Variants in TTLL5 observed in about 807,000 individuals in gnomAD.
The protein encoded by TTLL5 is tubulin polyglutamylase TTLL5.
TTLL5 carries 132 observed loss-of-function variants against 168.4 expected under a neutral mutation model. The ratio of observed to expected loss-of-function variants is 0.78; its 90% confidence interval spans 0.68 to 0.91. The LOEUF (loss-of-function observed/expected upper bound fraction) is 0.91, where lower values mean the gene tolerates loss of function less well. TTLL5 is among the 40% of genes least tolerant of loss of function. The pLI, the probability that TTLL5 is intolerant of heterozygous loss-of-function variation, is 0.00. For missense variants in TTLL5, 1,545 were observed against 1,581.5 expected (o/e 0.98, Z 0.39); for synonymous variants, 546 against 558.6 (o/e 0.98, Z 0.32).
intron 4 of TTLL5, among the ~76,000 whole-genome samples, chr14:75,682,009 G>A (rs537098950): frequency 6.6e-6 from 1 of 151,858 alleles, no homozygotes; most frequent in Non-Finnish European, 1.5e-5. Context: ...GGCCAACATG[G>A]TGAAACCCCG....
chr14:75,840,420 G>T (rs530097892), intron 28 of TTLL5, among the ~76,000 whole-genome samples: 1 of 141,176 alleles, frequency 7.1e-6, no homozygotes, highest in South Asian at 2.5e-4. Flanking sequence ...GACAGGCCCC[G>T]GTGTGTGATG....
intron 28 of TTLL5, among the ~76,000 whole-genome samples, chr14:75,860,223 A>T (rs574379267): frequency 1.4e-4 from 22 of 152,218 alleles, no homozygotes; most frequent in Non-Finnish European, 2.5e-4. Context: ...CCCTTTATAT[A>T]TCCACAGACC....
intron 9 of TTLL5, among the ~76,000 whole-genome samples, chr14:75,715,931 C>G (rs1887421891): frequency 6.6e-6 from 1 of 151,974 alleles, no homozygotes; most frequent in South Asian, 2.1e-4. Flanking sequence ...CAAGTTAGAT[C>G]AAGTACTTGT....
chr14:75,830,360 CTAT>C (rs2139805290), intron 28 of TTLL5, among the ~76,000 whole-genome samples: 1 of 152,198 alleles, frequency 6.6e-6, no homozygotes, highest in African/African-American at 2.4e-5. Context: ...AAAAGTAAGC[CTAT>C]TATTGTACAA....
chr14:75,782,592 A>C lies in TTLL5; in HGVS notation c.2602+19A>C, dbSNP rs1381455754. 1.9e-6 allele frequency: 3 copies of C among 1,599,962 alleles called. No individual in the cohort carries two copies. The highest frequency in any genetic ancestry group is 8.5e-7 in the Non-Finnish European group (1 of 1,169,624). On this transcript the variant is annotated intron_variant, in intron 25 of 31. Coordinates refer to ENST00000298832, the MANE Select transcript of TTLL5 (RefSeq NM_015072.5). Reference sequence around the variant, plus strand: ...TTATCTCGTGAGTGATTTCAAACCTACCTAGATTTGCTGCTCTCTGATAAT... The same window carrying C: ...TTATCTCGTGAGTGATTTCAAACCTCCCTAGATTTGCTGCTCTCTGATAAT...
chr14:75,930,556 G>T, intron 31 of TTLL5: 1 of 955,460 alleles, frequency 1.0e-6, no homozygotes, highest in Non-Finnish European at 1.2e-6. Flanking sequence ...AGGATAATCA[G>T]CCTGTATATA....
At chr14:75,679,606 A>G (rs974232261) in intron 3 of TTLL5, among the ~76,000 whole-genome samples, 3 of 152,226 alleles carry the variant, frequency 2.0e-5, no homozygotes, top group Admixed American at 2.0e-4. Context: ...ATTATAATCT[A>G]TCTCTATCAC....
In TTLL5 at chr14:75,743,575, CTTTTTTT is replaced by C. The variant is rs33959405; in HGVS notation, c.1282-1502_1282-1496del. Among the ~76,000 whole-genome samples the C allele has an allele frequency of 1.1e-4, 7 of 63,114 alleles. No homozygotes were observed. The East Asian group carries it at 2.3e-3, about 21-fold the overall frequency. 41.4% of individuals were successfully genotyped at this position (63,114 alleles called of 152,430 possible). A position where few individuals can be genotyped will look rare whatever the true frequency, so the allele number is the denominator to read the frequency against. ...TGAGATCAAACTCTCTGGCATCGCT[CTTTTTTT>C]TTTTTTTTTTTTTTTTTGAGACGGA... On this transcript the variant is annotated intron_variant, in intron 15 of 31. Transcript: ENST00000298832.
chr14:75,787,546 ACTAT>A (rs1360137100), intron 26 of TTLL5, among the ~76,000 whole-genome samples: 1 of 152,220 alleles, frequency 6.6e-6, no homozygotes, highest in Non-Finnish European at 1.5e-5. Context: ...GTATAAATCC[ACTAT>A]CTTAGTGGGT....
At chr14:75,790,964 G>A (rs1892670760) in intron 26 of TTLL5, among the ~76,000 whole-genome samples, 1 of 149,892 alleles carries the variant, frequency 6.7e-6, no homozygotes. Flanking sequence ...AAATTACCCG[G>A]GCCTGGTGGC....
At chr14:75,757,289 AT>A (rs1011533240) in intron 18 of TTLL5, among the ~76,000 whole-genome samples, 2 of 151,336 alleles carry the variant, frequency 1.3e-5, no homozygotes, top group Admixed American at 6.6e-5. Flanking sequence ...TTTAATAGAG[AT>A]TTTTTTTTAA....
intron 20 of TTLL5, among the ~76,000 whole-genome samples, chr14:75,768,437 G>T (rs1160408590): frequency 6.6e-6 from 1 of 152,140 alleles, no homozygotes; most frequent in African/African-American, 2.4e-5. Context: ...TAAGGGTTTG[G>T]CAATGAAAGG....
At chr14:75,792,880 TCCTAAATGAG>T in intron 26 of TTLL5, 26 bp from the exon 27 acceptor site, 3 of 1,510,142 alleles carry the variant, frequency 2.0e-6, no homozygotes, top group Admixed American at 4.0e-5. Flanking sequence ...GGCCTTTTTT[TCCTAAATGAG>T]TGAAAACTTT....
chr14:75,903,681 A>T (rs2140093336), intron 31 of TTLL5, among the ~76,000 whole-genome samples: 1 of 151,944 alleles, frequency 6.6e-6, no homozygotes, highest in African/African-American at 2.4e-5. Context: ...AGGCAGGAGG[A>T]TCTCTTGAGA....
At chr14:75,890,702 T>C (rs980003590) in intron 30 of TTLL5, among the ~76,000 whole-genome samples, 6 of 152,132 alleles carry the variant, frequency 3.9e-5, no homozygotes, top group Non-Finnish European at 8.8e-5. Flanking sequence ...CAAACTATTT[T>C]TCTGAAATCT....
chr14:75,672,738 T>C (rs1883842045), intron 3 of TTLL5, among the ~76,000 whole-genome samples: 1 of 152,206 alleles, frequency 6.6e-6, no homozygotes, highest in Non-Finnish European at 1.5e-5. Context: ...TGGTAGTTTA[T>C]GTGTTTCTAG....
In TTLL5 at chr14:75,882,847, C is replaced by T. The variant is rs1369379859; in HGVS notation, c.3685C>T (p.Pro1229Ser). ...PSSCASLVPK[P>S]PPNHEQVLRR... ...TTCTTGCGCCTCCCTGGTTCCCAAA[C>T]CCCCACCCAACCACGAACAAGTGCT... The change falls in exon 30 of 32, where the codon CCC (proline) becomes TCC (serine). Residue 1229 changes from proline (P) to serine (S), a missense_variant. By Grantham distance (74) the Pro-to-Ser change is moderately conservative. Coordinates refer to ENST00000298832, the MANE Select transcript of TTLL5 (RefSeq NM_015072.5). The T allele has an allele frequency of 6.2e-7, 1 of 1,614,168 alleles. No homozygotes were observed. Among genetic ancestry groups the T allele is most frequent in the South Asian group, 1.1e-5 (1 of 91,080 alleles).
intron 31 of TTLL5, among the ~76,000 whole-genome samples, chr14:75,953,170 A>G (rs2035014587): frequency 6.6e-6 from 1 of 152,248 alleles, no homozygotes; most frequent in South Asian, 2.1e-4. Context: ...TCTAATCAGG[A>G]AAGTGCTAAT....
At chr14:75,721,541 G>T (rs1887837005) in intron 12 of TTLL5, among the ~76,000 whole-genome samples, 1 of 152,126 alleles carries the variant, frequency 6.6e-6, no homozygotes. Flanking sequence ...AGAGTAACAG[G>T]GAAATAAAGA....
Sources: allele counts gnomAD v4.1 joint callset (sites outside exome capture counted in the v4.1 genomes callset), GRCh38; gene constraint gnomAD v4.1.1; transcripts MANE v1.5; gene names NCBI Gene and HGNC (gene_info 2026-07-23, HGNC 2026-07-21).